The following BMPR1B variants were observed in gnomAD, a reference collection of about 807,000 sequenced individuals.
BMPR1B encodes the protein bone morphogenetic protein receptor type 1B.
Under a neutral mutation model 59.1 loss-of-function variants are expected in BMPR1B, and 12 were observed. The observed-to-expected ratio is 0.20, with a 90% confidence interval of 0.13 to 0.33. BMPR1B has a LOEUF of 0.33. BMPR1B is among the 10% of genes least tolerant of loss of function. The pLI is 1.00. For synonymous variants in BMPR1B, 237 were observed against 207.3 expected (o/e 1.14, Z -1.23); for missense variants, 550 against 610.9 (o/e 0.90, Z 1.05).
chr4:95,015,354 A>G (rs935279207), intron 3 of BMPR1B, among the ~76,000 whole-genome samples: 2 of 152,180 alleles, frequency 1.3e-5, no homozygotes, highest in South Asian at 2.1e-4. Flanking sequence ...CTGAAGGACA[A>G]TGGTTTTACT....
At chr4:94,845,922 T>C (rs10004478) in intron 1 of BMPR1B, among the ~76,000 whole-genome samples, 93,233 of 151,974 alleles carry the variant, frequency 0.61, 29,609 homozygotes, top group African/African-American at 0.78. Flanking sequence ...TATTTCTTCC[T>C]TAGTAATCTG....
intron 2 of BMPR1B, among the ~76,000 whole-genome samples, chr4:94,903,582 G>A (rs756832233): frequency 8.6e-5 from 13 of 151,272 alleles, no homozygotes; most frequent in Non-Finnish European, 1.6e-4. Context: ...AAAGAATTCG[G>A]TTATGAATTT....
At chr4:94,807,437 G>T (rs1332119559) in intron 1 of BMPR1B, among the ~76,000 whole-genome samples, 2 of 152,090 alleles carry the variant, frequency 1.3e-5, no homozygotes, top group Non-Finnish European at 2.9e-5. Flanking sequence ...TGGGGGAGAG[G>T]TGTGTGAGAA....
At chr4:95,071,024 C>T (rs1328829095) in intron 3 of BMPR1B, among the ~76,000 whole-genome samples, 1 of 152,042 alleles carries the variant, frequency 6.6e-6, no homozygotes, top group Non-Finnish European at 1.5e-5. Context: ...CACTCAGAAT[C>T]CATGTAATGA....
chr4:94,877,678 G>A (rs1726783803), intron 2 of BMPR1B, among the ~76,000 whole-genome samples: 1 of 152,084 alleles, frequency 6.6e-6, no homozygotes, highest in African/African-American at 2.4e-5. Flanking sequence ...TGGCTCAGCA[G>A]GTAAATTAAG....
chr4:95,086,547 A>G (rs550397723), intron 3 of BMPR1B, among the ~76,000 whole-genome samples: 1 of 152,182 alleles, frequency 6.6e-6, no homozygotes, highest in Non-Finnish European at 1.5e-5. Context: ...AACCTGTTGT[A>G]TTGTCAGTGA....
intron 2 of BMPR1B, among the ~76,000 whole-genome samples, chr4:94,980,014 G>T (rs1560577607): frequency 6.6e-6 from 1 of 152,166 alleles, no homozygotes; most frequent in South Asian, 2.1e-4. Context: ...ACTGCTACCT[G>T]CCTGAAACAC....
At chr4:94,795,435 AT>A (rs70946548) in intron 1 of BMPR1B, among the ~76,000 whole-genome samples, 47,199 of 147,666 alleles carry the variant, frequency 0.32, 7,919 homozygotes, top group African/African-American at 0.45. Flanking sequence ...TTATTGAAAC[AT>A]TTTTTTTTTT....
intron 2 of BMPR1B, among the ~76,000 whole-genome samples, chr4:94,965,231 T>C (rs1216340322): frequency 2.0e-5 from 3 of 152,148 alleles, no homozygotes; most frequent in African/African-American, 7.2e-5. Flanking sequence ...ATGAAAGTTA[T>C]ATATTCTATT....
At chr4:94,967,636 C>T (rs1730603191) in intron 2 of BMPR1B, among the ~76,000 whole-genome samples, 1 of 152,044 alleles carries the variant, frequency 6.6e-6, no homozygotes, top group South Asian at 2.1e-4. Context: ...GTGCACGCCA[C>T]CATGCCCGGC....
intron 2 of BMPR1B, among the ~76,000 whole-genome samples, chr4:94,994,481 T>G (rs1721937324): frequency 6.6e-6 from 1 of 152,234 alleles, no homozygotes; most frequent in Non-Finnish European, 1.5e-5. Context: ...CCTCTAGTCT[T>G]CTTGCTACGT....
intron 1 of BMPR1B, among the ~76,000 whole-genome samples, chr4:94,763,923 G>A (rs1375184185): frequency 6.6e-6 from 1 of 152,098 alleles, no homozygotes; most frequent in Non-Finnish European, 1.5e-5. Context: ...ACATAATGGA[G>A]GATTGTCCTG....
intron 10 of BMPR1B, among the ~76,000 whole-genome samples, chr4:95,138,437 A>C (rs1204443285): frequency 6.6e-6 from 1 of 152,102 alleles, no homozygotes; most frequent in Non-Finnish European, 1.5e-5. Context: ...GTATTTCCTG[A>C]ATTTGAATGT....
chr4:94,767,256 TAA>T (rs1048868973), intron 1 of BMPR1B, among the ~76,000 whole-genome samples: 4 of 152,258 alleles, frequency 2.6e-5, no homozygotes, highest in Non-Finnish European at 2.9e-5. Context: ...TTTTAAATTG[TAA>T]ATCTTTTCCC....
chr4:94,900,024 TAAA>T (rs753679968), intron 2 of BMPR1B, among the ~76,000 whole-genome samples: 2 of 151,990 alleles, frequency 1.3e-5, no homozygotes, highest in Non-Finnish European at 2.9e-5. Flanking sequence ...GAGAGGAACT[TAAA>T]GAAGGTGGGA....
intron 3 of BMPR1B, among the ~76,000 whole-genome samples, chr4:95,040,990 A>G (rs1000240473): frequency 2.6e-5 from 4 of 152,160 alleles, no homozygotes; most frequent in Admixed American, 6.6e-5. Flanking sequence ...CCTTTCCTCA[A>G]TTCCTTGGCA....
At chr4:94,937,721 C>CACACACAG (rs1411690085) in intron 2 of BMPR1B, among the ~76,000 whole-genome samples, 10 of 149,816 alleles carry the variant, frequency 6.7e-5, no homozygotes, top group South Asian at 2.1e-4. Flanking sequence ...CACACACAGA[C>CACACACAG]ACACACACAC....
intron 1 of BMPR1B, among the ~76,000 whole-genome samples, chr4:94,836,872 T>C (rs1279656325): frequency 3.3e-5 from 5 of 150,332 alleles, no homozygotes; most frequent in South Asian, 2.1e-4. Flanking sequence ...GGTTTTCTTC[T>C]AGGGTTTTTA....
At position 95,154,431 on chromosome 4, in the gene BMPR1B, T is replaced by A. The variant is rs892129009; in HGVS notation, c.1384-117T>A. 6.2e-6 allele frequency: 9 copies of A among 1,445,944 alleles called. No individual in the cohort carries two copies. The Admixed American group carries it at 1.5e-4, about 24-fold the overall frequency. The allele number at this position is 1,445,944 out of a possible 1,614,324, so 89.6% of individuals were successfully genotyped here. ...TTACAGAATTTTACTTCTACATGGT[T>A]TTAAGGGTACCTTTTAAAAATATAT... On this transcript the variant is annotated intron_variant, in intron 12 of 12. Transcript: ENST00000515059.
Sources: gnomAD v4.1 joint callset for allele counts (sites outside exome capture counted in the v4.1 genomes callset) on GRCh38, gnomAD v4.1.1 for gene constraint, MANE v1.5 for transcripts, NCBI Gene and HGNC (gene_info 2026-07-23, HGNC 2026-07-21) for gene names.